The following DOP1A variants were observed in gnomAD, a reference collection of about 807,000 sequenced individuals.
The protein encoded by DOP1A is DOP1 leucine zipper like protein A, also known as protein DOP1A.
A neutral mutation model predicts 267.6 loss-of-function variants in DOP1A; 90 were observed. The ratio of observed to expected loss-of-function variants is 0.34; its 90% CI spans 0.28 to 0.40. The LOEUF (loss-of-function observed/expected upper bound fraction) is 0.40. Ranked by LOEUF, DOP1A falls within the 10% of genes least tolerant of loss-of-function variation. The pLI is 1.00. For missense variants in DOP1A, 2,437 were observed against 2,900.4 expected, an observed-to-expected ratio of 0.84 and a Z score of 3.67; for synonymous variants, 932 against 999.1, an observed-to-expected ratio of 0.93 and a Z score of 1.27.
chr6:83,123,067 G>T, intron 12 of DOP1A, 85 bp downstream of exon 12: 2 of 1,414,718 alleles, frequency 1.4e-6, no homozygotes, highest in Non-Finnish European at 1.9e-6. Context: ...TTTAATGAAT[G>T]TTCTTTTATA....
chr6:83,145,204 A>ATATATAATATATATAT (rs1554246758), intron 24 of DOP1A, among the ~76,000 whole-genome samples: 13 of 646 alleles, frequency 0.02, no homozygotes, highest in Admixed American at 0.06. Context: ...ATATATATAT[A>ATATATAATATATATAT]ATAATATATA....
chr6:83,123,569 G>A (rs1263382119), intron 12 of DOP1A, among the ~76,000 whole-genome samples: 5 of 152,052 alleles, frequency 3.3e-5, no homozygotes, highest in South Asian at 4.1e-4. Context: ...AATTATGTAC[G>A]ATTTCAGCAT....
At chr6:83,131,699 A>G (rs1225117315) in intron 17 of DOP1A, among the ~76,000 whole-genome samples, 2 of 151,862 alleles carry the variant, frequency 1.3e-5, no homozygotes, top group Non-Finnish European at 2.9e-5. Context: ...TCTGTCGCGC[A>G]ATCTCTGCTC....
chr6:83,079,871 G>A (rs552702868), intron 1 of DOP1A, among the ~76,000 whole-genome samples: 120 of 151,778 alleles, frequency 7.9e-4, no homozygotes, highest in Non-Finnish European at 1.1e-3. Context: ...GAAATACATG[G>A]TGGGATAGTT....
chr6:83,137,552 A>T lies in DOP1A; in HGVS notation c.3510A>T (p.Ser1170=). 1 of 1,613,896 alleles carries T rather than the reference A, an allele frequency of 6.2e-7. No individual in the cohort carries two copies. The highest frequency in any genetic ancestry group is 1.1e-5 in the South Asian group (1 of 91,080). The change falls in exon 21 of 39, where the codon TCA becomes TCT. Residue 1170 remains serine, a synonymous_variant. Transcript: ENST00000349129. ...VVSGLEVESA[S]VTSQLEIEAM... ...GTGGCCTCGAAGTGGAATCTGCATC[A>T]GTTACATCTCAATTAGAAATTGAAG...
chr6:83,076,502 C>T (rs74440381), intron 1 of DOP1A, among the ~76,000 whole-genome samples: 4,324 of 152,050 alleles, frequency 0.028, 153 homozygotes, highest in East Asian at 0.084. Flanking sequence ...AGAGCAGACT[C>T]CATCTCAAAA....
intron 4 of DOP1A, 70 bp from the exon 5 acceptor site, chr6:83,108,840 A>G (rs1774086767): frequency 2.9e-6 from 4 of 1,381,488 alleles, no homozygotes; most frequent in South Asian, 2.9e-5. Flanking sequence ...ATTTATACAT[A>G]TAATTGCATA....
At chr6:83,135,969 T>C (rs1778807482) in intron 20 of DOP1A, 91 bp downstream of exon 20, 13 of 1,438,826 alleles carry the variant, frequency 9.0e-6, no homozygotes, top group Non-Finnish European at 1.1e-5. Context: ...AAGAACTGCA[T>C]GTGAGATTTT....
intron 1 of DOP1A, chr6:83,073,040 T>G: frequency 3.1e-6 from 1 of 326,040 alleles, no homozygotes; most frequent in South Asian, 2.5e-5. Context: ...ATGACTTCCA[T>G]ATTATATACA....
At chr6:83,140,943 A>G (rs554934137) in intron 23 of DOP1A, among the ~76,000 whole-genome samples, 7 of 152,238 alleles carry the variant, frequency 4.6e-5, no homozygotes, top group Non-Finnish European at 1.0e-4. Flanking sequence ...AGCAATATGT[A>G]TAGAGAGCTT....
chr6:83,119,045 G>A (rs1775917312), intron 8 of DOP1A, 58 bp downstream of exon 8: 2 of 1,457,028 alleles, frequency 1.4e-6, no homozygotes, highest in Non-Finnish European at 1.9e-6. Flanking sequence ...GATTTGTCAT[G>A]TATAAGTATT....
At chr6:83,122,527 G>A (rs1438963355) in intron 11 of DOP1A, among the ~76,000 whole-genome samples, 1 of 151,964 alleles carries the variant, frequency 6.6e-6, no homozygotes, top group Non-Finnish European at 1.5e-5. Flanking sequence ...CAGTTTGTAT[G>A]TGCCAAGGGA....
chr6:83,096,552 A>G (rs893293533), intron 1 of DOP1A, among the ~76,000 whole-genome samples, 179 bp from the exon 2 acceptor site: 1 of 151,558 alleles, frequency 6.6e-6, no homozygotes, highest in African/African-American at 2.4e-5. Context: ...GATTCTTCCA[A>G]TCTAACCAGA....
chr6:83,160,987 A>C (rs530045842), intron 37 of DOP1A, among the ~76,000 whole-genome samples: 5 of 152,036 alleles, frequency 3.3e-5, no homozygotes, highest in African/African-American at 1.2e-4. Context: ...ATATATATAT[A>C]TATCTACTTT....
chr6:83,099,811 C>T (rs1468897754), intron 3 of DOP1A, among the ~76,000 whole-genome samples: 1 of 151,492 alleles, frequency 6.6e-6, no homozygotes, highest in African/African-American at 2.4e-5. Context: ...CTTTGATGGT[C>T]ATTTCATATA....
chr6:83,083,637 A>C (rs142261727), intron 1 of DOP1A, among the ~76,000 whole-genome samples: 45 of 152,326 alleles, frequency 3.0e-4, no homozygotes, highest in Non-Finnish European at 5.9e-4. Context: ...AGTGCCTGGC[A>C]CAGAGTAATT....
Position 83,147,301 on chromosome 6 carries a change from C to G in DOP1A, c.5732+10C>G, listed in dbSNP as rs770790074. 1 of 1,435,340 alleles carries G rather than the reference C, an allele frequency of 7.0e-7. No individual in the cohort carries two copies. The highest frequency in any genetic ancestry group is 9.6e-7 in the Non-Finnish European group (1 of 1,037,184). 88.9% of individuals were successfully genotyped at this position (1,435,340 alleles called of 1,614,324 possible). A position where few individuals can be genotyped will look rare whatever the true frequency, so the allele number is the denominator to read the frequency against. On this transcript the variant is annotated intron_variant, in intron 26 of 38. Transcript: ENST00000349129. ...ATGCTTATATTCAAAGGTAAGATTA[C>G]TGATATTGATCTGTCCTTACTATGT...
At chr6:83,092,657 T>C (rs1021548267) in intron 1 of DOP1A, among the ~76,000 whole-genome samples, 9 of 149,756 alleles carry the variant, frequency 6.0e-5, no homozygotes, top group Admixed American at 1.4e-4. Flanking sequence ...TGTTTTTTTT[T>C]CTATACATAT....
At chr6:83,168,951 T>TCCCCACATAAAACTGTA, downstream of DOP1A, 2 of 1,150,912 alleles carry the variant, frequency 1.7e-6, no homozygotes, top group Non-Finnish European at 1.1e-6. Flanking sequence ...CATGAATTGT[T>TCCCCACATAAAACTGTA]CCCCACATAA....
Sources: allele counts gnomAD v4.1 joint callset (sites outside exome capture counted in the v4.1 genomes callset), GRCh38; gene constraint gnomAD v4.1.1; transcripts MANE v1.5; gene names NCBI Gene and HGNC (gene_info 2026-07-23, HGNC 2026-07-21).